Variants in MIPOL1 observed in about 807,000 individuals in gnomAD.
MIPOL1 encodes mirror-image polydactyly gene 1 protein.
A neutral mutation model predicts 60.9 loss-of-function variants in MIPOL1; 57 were observed. The observed-to-expected ratio is 0.94, with a 90% CI of 0.76 to 1.17. MIPOL1 has a LOEUF of 1.17. MIPOL1 is among the 50% of genes most tolerant of loss of function. The pLI, the probability that MIPOL1 is intolerant of heterozygous loss-of-function variation, is 0.00. For synonymous variants in MIPOL1, 179 were observed against 168.8 expected (o/e 1.06, Z -0.47); for missense variants, 551 against 511.6 (o/e 1.08, Z -0.74).
intron 9 of MIPOL1, among the ~76,000 whole-genome samples, chr14:37,333,295 T>C (rs1356607422): frequency 6.6e-6 from 1 of 152,170 alleles, no homozygotes; most frequent in Admixed American, 6.5e-5. Flanking sequence ...GTATACCTTT[T>C]TCTTAACTTT....
At chr14:37,295,520 A>C (rs2085555483) in intron 7 of MIPOL1, among the ~76,000 whole-genome samples, 1 of 152,192 alleles carries the variant, frequency 6.6e-6, no homozygotes, top group African/African-American at 2.4e-5. Flanking sequence ...AAGTTGGATA[A>C]AGAGTCAAGA....
intron 12 of MIPOL1, among the ~76,000 whole-genome samples, chr14:37,531,578 A>G (rs1423821274): frequency 6.6e-6 from 1 of 152,218 alleles, no homozygotes; most frequent in African/African-American, 2.4e-5. Flanking sequence ...AGGTATTTCT[A>G]CCAAAGTTGG....
chr14:37,426,989 T>G (rs957679734), intron 11 of MIPOL1, among the ~76,000 whole-genome samples: 1 of 152,078 alleles, frequency 6.6e-6, no homozygotes, highest in African/African-American at 2.4e-5. Flanking sequence ...ATGCAGTCAC[T>G]GTGGCAGACA....
intron 1 of MIPOL1, among the ~76,000 whole-genome samples, chr14:37,240,791 G>T (rs922342064): frequency 6.6e-6 from 1 of 152,122 alleles, no homozygotes; most frequent in African/African-American, 2.4e-5. Context: ...GACTACTGCA[G>T]TATTCAAAAT....
intron 11 of MIPOL1, among the ~76,000 whole-genome samples, chr14:37,438,544 T>G (rs1183124864): frequency 6.6e-6 from 1 of 152,178 alleles, no homozygotes; most frequent in Non-Finnish European, 1.5e-5. Context: ...GACCCCTTCC[T>G]CTACTCATGC....
chr14:37,403,684 T>C (rs1306521391), intron 10 of MIPOL1, among the ~76,000 whole-genome samples: 1 of 152,174 alleles, frequency 6.6e-6, no homozygotes. Context: ...ACAACCTTTC[T>C]TGGTGAAATG....
intron 9 of MIPOL1, among the ~76,000 whole-genome samples, chr14:37,345,873 T>C (rs1489606113): frequency 6.6e-6 from 1 of 152,250 alleles, no homozygotes; most frequent in Non-Finnish European, 1.5e-5. Context: ...GTATCTTACA[T>C]GTGTATCTTT....
chr14:37,412,233 A>G (rs182470631), intron 10 of MIPOL1, among the ~76,000 whole-genome samples: 62 of 152,292 alleles, frequency 4.1e-4, no homozygotes, highest in Non-Finnish European at 7.9e-4. Flanking sequence ...ATGTAATACT[A>G]TACTTCAACA....
intron 10 of MIPOL1, among the ~76,000 whole-genome samples, chr14:37,384,654 G>A (rs1266896006): frequency 1.3e-5 from 2 of 151,942 alleles, no homozygotes; most frequent in Non-Finnish European, 2.9e-5. Context: ...ATTAATTTGG[G>A]AACTGATTGA....
chr14:37,276,502 T>A (rs1239897741), intron 6 of MIPOL1: 1 of 150,980 alleles, frequency 6.6e-6, no homozygotes, highest in East Asian at 1.9e-4. Context: ...TGGGAAAAAA[T>A]TATATTATAG....
At chr14:37,329,109 A>G (rs960039506) in intron 9 of MIPOL1, among the ~76,000 whole-genome samples, 3 of 152,126 alleles carry the variant, frequency 2.0e-5, no homozygotes, top group African/African-American at 7.2e-5. Flanking sequence ...TTAAAATACT[A>G]GTTGACTTTA....
At chr14:37,310,716 C>A (rs896625769) in intron 9 of MIPOL1, among the ~76,000 whole-genome samples, 1 of 152,130 alleles carries the variant, frequency 6.6e-6, no homozygotes, top group African/African-American at 2.4e-5. Context: ...TAAGTCTTGG[C>A]CTAGTTGTGG....
At chr14:37,304,866 G>A (rs1243415095) in intron 7 of MIPOL1, among the ~76,000 whole-genome samples, 1 of 151,780 alleles carries the variant, frequency 6.6e-6, no homozygotes, top group Non-Finnish European at 1.5e-5. Context: ...TGTCAAGTTA[G>A]ACTGTTGTAG....
chr14:37,408,681 G>A (rs2093632750), intron 10 of MIPOL1, among the ~76,000 whole-genome samples: 1 of 152,074 alleles, frequency 6.6e-6, no homozygotes, highest in Non-Finnish European at 1.5e-5. Context: ...CATAAACCAA[G>A]CTAATCTACC....
chr14:37,320,379 G>A (rs2088441393), intron 9 of MIPOL1, among the ~76,000 whole-genome samples: 1 of 151,904 alleles, frequency 6.6e-6, no homozygotes, highest in South Asian at 2.1e-4. Context: ...TGATTTATTT[G>A]TATTTTGTGT....
intron 11 of MIPOL1, among the ~76,000 whole-genome samples, chr14:37,490,687 C>T (rs1383972638): frequency 6.6e-6 from 1 of 152,130 alleles, no homozygotes; most frequent in Non-Finnish European, 1.5e-5. Flanking sequence ...CTCACAGCTT[C>T]CCTTGGGTAG....
At chr14:37,487,145 T>C (rs1172808058) in intron 11 of MIPOL1, among the ~76,000 whole-genome samples, 1 of 151,280 alleles carries the variant, frequency 6.6e-6, no homozygotes, top group Non-Finnish European at 1.5e-5. Flanking sequence ...ATTTATTGAT[T>C]TGCATATGTT....
chr14:37,485,828 T>C (rs971227405), intron 11 of MIPOL1, among the ~76,000 whole-genome samples: 2 of 152,192 alleles, frequency 1.3e-5, no homozygotes, highest in Non-Finnish European at 2.9e-5. Context: ...AGAAGCTCTT[T>C]AGTTCAATTA....
rs1239644167 is a variant in MIPOL1 at position 37,379,353 on chromosome 14, TA to T, written c.936+9733del. On this transcript the variant is annotated intron_variant, in intron 10 of 12. Transcript: ENST00000684589. ...AATCTAAATGTTAAAGCTAAAACTA[TA>T]AAACTCCTAGAAGAAAAAACATAAC... is the stretch of plus-strand genomic sequence containing the variant. 3.3e-5 allele frequency among the ~76,000 whole-genome samples: 5 copies of T among 152,172 alleles called. No individual in the cohort carries two copies. The East Asian group carries it at 9.7e-4, about 29-fold the overall frequency.
Sources: allele counts gnomAD v4.1 joint callset (sites outside exome capture counted in the v4.1 genomes callset), GRCh38; gene constraint gnomAD v4.1.1; transcripts MANE v1.5; gene names NCBI Gene and HGNC (gene_info 2026-07-23, HGNC 2026-07-21).